Variants in KCTD16 observed in about 807,000 individuals in gnomAD.
KCTD16 encodes the protein potassium channel tetramerization domain containing 16.
A neutral mutation model predicts 33.2 loss-of-function variants in KCTD16; 13 were observed. That is an observed-to-expected ratio of 0.39 (90% confidence interval 0.25 to 0.62). The LOEUF (loss-of-function observed/expected upper bound fraction) is 0.62, where lower values mean the gene tolerates loss of function less well. KCTD16 is among the 20% of genes least tolerant of loss of function. The probability of loss-of-function intolerance (pLI) is 0.50; values close to 1 mark genes in which losing one functional copy is unlikely to be tolerated. For missense variants in KCTD16, 441 were observed against 525.1 expected (o/e 0.84, Z 1.57); for synonymous variants, 197 against 195.3 (o/e 1.01, Z -0.07).
chr5:144,314,536 CAG>C (rs958519764), intron 3 of KCTD16, among the ~76,000 whole-genome samples: 2 of 152,154 alleles, frequency 1.3e-5, no homozygotes, highest in African/African-American at 4.8e-5. Context: ...CTCACAAACG[CAG>C]AGAGTGTCCT....
At chr5:144,406,015 A>G (rs1364477130) in intron 3 of KCTD16, among the ~76,000 whole-genome samples, 1 of 152,210 alleles carries the variant, frequency 6.6e-6, no homozygotes, top group Non-Finnish European at 1.5e-5. Context: ...CACTATTGAT[A>G]TGCTTTTTAA....
chr5:144,285,066 A>G (rs1755708577), intron 3 of KCTD16, among the ~76,000 whole-genome samples: 1 of 152,164 alleles, frequency 6.6e-6, no homozygotes, highest in Non-Finnish European at 1.5e-5. Flanking sequence ...ACATCAGAGA[A>G]GTTTGTAGGA....
chr5:144,180,064 C>G (rs189237241), intron 2 of KCTD16, among the ~76,000 whole-genome samples: 1 of 152,156 alleles, frequency 6.6e-6, no homozygotes, highest in Non-Finnish European at 1.5e-5. Flanking sequence ...TCCATACAAG[C>G]CAGGATCACC....
At chr5:144,417,020 T>C (rs949375004) in intron 3 of KCTD16, among the ~76,000 whole-genome samples, 2 of 152,226 alleles carry the variant, frequency 1.3e-5, no homozygotes, top group African/African-American at 4.8e-5. Context: ...TGTCCATTTA[T>C]TCCTTGACGA....
intron 3 of KCTD16, among the ~76,000 whole-genome samples, chr5:144,409,909 C>T (rs1752894768): frequency 6.6e-6 from 1 of 152,188 alleles, no homozygotes; most frequent in Admixed American, 6.5e-5. Flanking sequence ...TTTTGTGAGA[C>T]TGCCACAGGC....
chr5:144,299,104 A>G (rs1460608942), intron 3 of KCTD16, among the ~76,000 whole-genome samples: 219 of 8,952 alleles, frequency 0.024, 11 homozygotes, highest in Middle Eastern at 0.062. Context: ...ATGTATATAT[A>G]TATATATATA....
intron 3 of KCTD16, among the ~76,000 whole-genome samples, chr5:144,246,730 TCTC>T (rs1372848779): frequency 6.6e-6 from 1 of 152,134 alleles, no homozygotes; most frequent in Non-Finnish European, 1.5e-5. Flanking sequence ...CCTTTATTGA[TCTC>T]CTTCTCCTCC....
intron 3 of KCTD16, among the ~76,000 whole-genome samples, chr5:144,290,016 C>G (rs960381261): frequency 1.3e-5 from 2 of 152,118 alleles, no homozygotes; most frequent in African/African-American, 4.8e-5. Context: ...TGTGGTGACT[C>G]ATGCCTGTAA....
chr5:144,335,541 G>GACAC (rs71576197), intron 3 of KCTD16, among the ~76,000 whole-genome samples: 12 of 151,738 alleles, frequency 7.9e-5, no homozygotes, highest in African/African-American at 2.4e-4. Flanking sequence ...TCTAGTGAAA[G>GACAC]ACACACACAC....
intron 3 of KCTD16, among the ~76,000 whole-genome samples, chr5:144,235,450 A>G (rs1230254988): frequency 6.6e-6 from 1 of 152,094 alleles, no homozygotes; most frequent in African/African-American, 2.4e-5. Flanking sequence ...ACTGAGATCA[A>G]ATCTTCATTC....
chr5:144,289,271 C>T (rs1489100581), intron 3 of KCTD16, among the ~76,000 whole-genome samples: 2 of 152,182 alleles, frequency 1.3e-5, no homozygotes, highest in African/African-American at 4.8e-5. Flanking sequence ...AAGCCTACTG[C>T]ATTTCACCCT....
intron 3 of KCTD16, among the ~76,000 whole-genome samples, chr5:144,438,473 A>T (rs1580965148): frequency 6.6e-6 from 1 of 152,268 alleles, no homozygotes; most frequent in South Asian, 2.1e-4. Context: ...TGTGGGTATC[A>T]CTCCTAGACA....
At chr5:144,266,703 T>TA (rs1185269538) in intron 3 of KCTD16, among the ~76,000 whole-genome samples, 2 of 152,214 alleles carry the variant, frequency 1.3e-5, no homozygotes, top group Non-Finnish European at 2.9e-5. Context: ...ACCTAGTGTT[T>TA]AAAATTACAG....
At chr5:144,342,488 G>A (rs1414672356) in intron 3 of KCTD16, among the ~76,000 whole-genome samples, 1 of 152,112 alleles carries the variant, frequency 6.6e-6, no homozygotes, top group Non-Finnish European at 1.5e-5. Context: ...GAGACAATGG[G>A]GTTTTCTAGA....
chr5:144,346,159 C>G (rs1252164190), intron 3 of KCTD16, among the ~76,000 whole-genome samples: 3 of 152,044 alleles, frequency 2.0e-5, no homozygotes, highest in Non-Finnish European at 4.4e-5. Flanking sequence ...CTCCCCAGTT[C>G]CATCCATGTT....
At position 144,481,452 on chromosome 5, in the gene KCTD16, A is replaced by G. The variant is rs756291758; in HGVS notation, c.*7338A>G. On this transcript the variant is annotated 3_prime_UTR_variant, in exon 4 of 4. Coordinates refer to ENST00000512467, the MANE Select transcript of KCTD16 (RefSeq NM_020768.4). ...CCAAGTCCTTGTTTCCAAACATGTG[A>G]CAAGTCTAAGCACAAGTCCTTGCTA... 3.9e-5 allele frequency: 6 copies of G among 151,908 alleles called. No individual in the cohort carries two copies. The highest frequency in any genetic ancestry group is 1.3e-4 in the Admixed American group (2 of 15,202). The allele number at this position is 151,908 out of a possible 1,614,324, so 9.4% of individuals were successfully genotyped here.
chr5:144,232,807 A>G (rs979772572), intron 3 of KCTD16, among the ~76,000 whole-genome samples: 2 of 152,220 alleles, frequency 1.3e-5, no homozygotes, highest in African/African-American at 2.4e-5. Context: ...AAAATATTCA[A>G]CATACTTCCA....
At chr5:144,180,035 A>G (rs968335881) in intron 2 of KCTD16, among the ~76,000 whole-genome samples, 1 of 152,154 alleles carries the variant, frequency 6.6e-6, no homozygotes, top group African/African-American at 2.4e-5. Context: ...TTCTAGCTTG[A>G]TGAGGTCATT....
At chr5:144,283,260 T>C (rs1580843820) in intron 3 of KCTD16, among the ~76,000 whole-genome samples, 1 of 152,152 alleles carries the variant, frequency 6.6e-6, no homozygotes, top group Non-Finnish European at 1.5e-5. Context: ...TGAGGTAAAA[T>C]AAGTAGGAAT....
Sources: allele counts gnomAD v4.1 joint callset (sites outside exome capture counted in the v4.1 genomes callset), GRCh38; gene constraint gnomAD v4.1.1; transcripts MANE v1.5; gene names NCBI Gene and HGNC (gene_info 2026-07-23, HGNC 2026-07-21).